The following CLEC12B variants were observed in gnomAD, a reference collection of about 807,000 sequenced individuals.
The protein encoded by CLEC12B is macrophage antigen h.
In CLEC12B, 25 loss-of-function variants were observed where a neutral mutation model predicts 36.1. The ratio of observed to expected loss-of-function variants is 0.69; its 90% CI spans 0.50 to 0.97. CLEC12B has a LOEUF of 0.97. Among genes scored for constraint, CLEC12B ranks in the 50% least tolerant of loss-of-function variants. The probability of loss-of-function intolerance (pLI) is 0.00; values close to 1 mark genes in which losing one functional copy is unlikely to be tolerated. For missense variants in CLEC12B, 325 were observed against 318.4 expected (o/e 1.02, Z -0.16); for synonymous variants, 110 against 108.5 (o/e 1.01, Z -0.09).
chr12:10,009,816 C>G (rs1172209987), upstream of CLEC12B, among the ~76,000 whole-genome samples: 7 of 152,130 alleles, frequency 4.6e-5, no homozygotes, highest in African/African-American at 1.7e-4. Flanking sequence ...CCCCTAAGTA[C>G]AGTTATCTAA....
rs528908804 is a variant in CLEC12B at position 10,015,684 on chromosome 12, A to C, written c.637A>C (p.Arg213=). The change falls in exon 5 of 6, where the codon AGA becomes CGA. Residue 213 remains arginine, a synonymous_variant. Coordinates refer to ENST00000338896, the MANE Select transcript of CLEC12B (RefSeq NM_001129998.3). ...WLGLSWDSSG[R]SWFWEDGSVP... is the part of the protein sequence containing the mutation. ...GGGATTATCATGGGACTCCTCTGGCAGAAGTTGGTTCTGGGAAGATGGCTC... is the reference window on the plus strand; with the variant it reads ...GGGATTATCATGGGACTCCTCTGGCCGAAGTTGGTTCTGGGAAGATGGCTC... 1.4e-5 allele frequency: 22 copies of C among 1,613,792 alleles called. No homozygotes were observed. The African/African-American group carries it at 2.7e-4, about 20-fold the overall frequency.
upstream of CLEC12B, among the ~76,000 whole-genome samples, chr12:10,007,419 G>T (rs1187895510): frequency 6.6e-6 from 1 of 152,158 alleles, no homozygotes; most frequent in Non-Finnish European, 1.5e-5. Context: ...TAGATGAGTA[G>T]TACAATTCAA....
chr12:10,008,894 T>C (rs965858948), upstream of CLEC12B, among the ~76,000 whole-genome samples: 3 of 152,156 alleles, frequency 2.0e-5, no homozygotes, highest in Non-Finnish European at 4.4e-5. Flanking sequence ...GTGAAAGTCA[T>C]GAGACGTGAG....
chr12:10,017,005 A>G, intron 5 of CLEC12B: 6 of 983,378 alleles, frequency 6.1e-6, no homozygotes, highest in Non-Finnish European at 7.2e-6. Context: ...TAAACTGAAT[A>G]ATAATCACTC....
In CLEC12B at chr12:10,018,724, C is replaced by T; in HGVS notation, c.*243C>T. On this transcript the variant is annotated 3_prime_UTR_variant, in exon 6 of 6. Transcript: ENST00000338896. ...AAAGGGGAATAGCCATACTATGGCC[C>T]TATGATTGTCTCAGAATCATTTCAC... The T allele has an allele frequency of 2.4e-6, 1 of 424,996 alleles. No homozygotes were observed. Among genetic ancestry groups the T allele is most frequent in the Middle Eastern group, 5.9e-4 (1 of 1,704 alleles). The allele number at this position is 424,996 out of a possible 1,614,324, so 26.3% of individuals were successfully genotyped here. A position where few individuals can be genotyped will look rare whatever the true frequency, so the allele number is the denominator to read the frequency against.
intron 5 of CLEC12B, chr12:10,017,031 T>C (rs567024838): frequency 2.0e-6 from 2 of 985,098 alleles, no homozygotes; most frequent in East Asian, 1.1e-4. Flanking sequence ...CTGTCAAAGA[T>C]GCCATGCTTC....
chr12:10,017,671 G>A lies in CLEC12B; in HGVS notation c.681-660G>A, dbSNP rs187604898. The A allele has an allele frequency of 1.2e-3, 1,163 of 974,622 alleles. 2 individuals carry two copies. The highest frequency in any genetic ancestry group is 1.3e-3 in the Non-Finnish European group (1,087 of 819,186). The allele number at this position is 974,622 out of a possible 1,614,324, so 60.4% of individuals were successfully genotyped here. A position where few individuals can be genotyped will look rare whatever the true frequency, so the allele number is the denominator to read the frequency against. On this transcript the variant is annotated intron_variant, in intron 5 of 5. Transcript: ENST00000338896. Reference sequence around the variant, plus strand: ...TTTAGTAAGCCTAGCCCTGAAGCAAGCAAAGAATATGGCAGTGTAATGCAG... The same window carrying A: ...TTTAGTAAGCCTAGCCCTGAAGCAAACAAAGAATATGGCAGTGTAATGCAG...
chr12:10,014,247 C>T (rs184364528), intron 2 of CLEC12B, among the ~76,000 whole-genome samples: 1 of 152,136 alleles, frequency 6.6e-6, no homozygotes, highest in Admixed American at 6.6e-5. Context: ...AAATGAGTGG[C>T]AGAATGACTG....
chr12:10,018,240 C>A, intron 5 of CLEC12B, 91 bp from the exon 6 acceptor site: 1 of 805,470 alleles, frequency 1.2e-6, no homozygotes, highest in Non-Finnish European at 1.9e-6. Flanking sequence ...TATTCAGATA[C>A]ATGACATTGG....
At position 10,010,830 on chromosome 12, in the gene CLEC12B, G is replaced by T. The variant is rs1865311158; in HGVS notation, c.71G>T (p.Gly24Val). 1.9e-6 allele frequency: 3 copies of T among 1,610,900 alleles called. No homozygotes were observed. The highest frequency in any genetic ancestry group is 1.7e-6 in the Non-Finnish European group (2 of 1,177,644). ...GCTGGAGCAAGGAATAACCGAGATGGAAATAACCTAAGAAAAAGAGGTAGG... is the reference window on the plus strand; with the variant it reads ...GCTGGAGCAAGGAATAACCGAGATGTAAATAACCTAAGAAAAAGAGGTAGG... ...DSAGARNNRD[G>V]NNLRKRGHPA... Residue 24 changes from glycine to valine, a missense_variant, in exon 1 of 6, where the codon GGA (glycine) becomes GTA (valine). By Grantham distance (109) the Gly-to-Val change is moderately radical (BLOSUM62 -3). Coordinates refer to ENST00000338896, the MANE Select transcript of CLEC12B (RefSeq NM_001129998.3).
chr12:10,010,193 C>A (rs1218550960), upstream of CLEC12B, among the ~76,000 whole-genome samples: 1 of 69,024 alleles, frequency 1.4e-5, no homozygotes, highest in South Asian at 4.9e-4. Context: ...CTCTCTCTGT[C>A]TCTCTCTCAC....
At chr12:10,017,872 C>A (rs1009533072) in intron 5 of CLEC12B, 17 of 974,886 alleles carry the variant, frequency 1.7e-5, no homozygotes, top group Non-Finnish European at 2.1e-5. Flanking sequence ...GTCTTGTTCT[C>A]TTTTTACCCA....
At chr12:10,013,368 A>T (rs911922735) in intron 2 of CLEC12B, 2 of 177,234 alleles carry the variant, frequency 1.1e-5, no homozygotes, top group Admixed American at 6.3e-5. Context: ...AAGACATATA[A>T]ACAAAGAGGA....
upstream of CLEC12B, among the ~76,000 whole-genome samples, chr12:10,009,370 C>A (rs959273559): frequency 2.6e-5 from 4 of 152,162 alleles, no homozygotes; most frequent in African/African-American, 9.7e-5. Flanking sequence ...GAAAACCATT[C>A]TTAATTTCTT....
intron 5 of CLEC12B, chr12:10,018,046 T>C: frequency 1.2e-6 from 1 of 810,446 alleles, no homozygotes; most frequent in Non-Finnish European, 1.5e-6. Context: ...ATTAATGGAA[T>C]TACATATTTA....
chr12:10,007,897 A>G (rs1050805235), upstream of CLEC12B, among the ~76,000 whole-genome samples: 4 of 152,216 alleles, frequency 2.6e-5, no homozygotes, highest in Non-Finnish European at 4.4e-5. Context: ...ATAATAGGAA[A>G]TGAGACATGA....
chr12:10,009,206 A>G (rs1353114303), upstream of CLEC12B, among the ~76,000 whole-genome samples: 2 of 152,146 alleles, frequency 1.3e-5, no homozygotes, highest in African/African-American at 4.8e-5. Flanking sequence ...CCTGCTCTTC[A>G]CAATAAACCT....
At chr12:10,008,933 G>T (rs979497287), upstream of CLEC12B, among the ~76,000 whole-genome samples, 2 of 152,192 alleles carry the variant, frequency 1.3e-5, no homozygotes, top group African/African-American at 4.8e-5. Context: ...ATCGAGTGGG[G>T]ACTCAGGGAA....
chr12:10,017,744 A>T, intron 5 of CLEC12B: 1 of 872,562 alleles, frequency 1.1e-6, no homozygotes, highest in Non-Finnish European at 1.4e-6. Context: ...TTTAGATCTG[A>T]CAAGTATAAT....
Sources: allele counts gnomAD v4.1 joint callset (sites outside exome capture counted in the v4.1 genomes callset), GRCh38; gene constraint gnomAD v4.1.1; transcripts MANE v1.5; gene names NCBI Gene and HGNC (gene_info 2026-07-23, HGNC 2026-07-21).